TSPAN5: variants seen among roughly 807,000 people sequenced by gnomAD.
The protein encoded by TSPAN5 is tetraspanin-5.
A neutral mutation model predicts 37.1 loss-of-function variants in TSPAN5; 10 were observed. The observed-to-expected ratio is 0.27, with a 90% confidence interval of 0.17 to 0.46. TSPAN5 has a LOEUF of 0.46. Ranked by LOEUF, TSPAN5 falls within the 20% of genes least tolerant of loss-of-function variation. The pLI, the probability that TSPAN5 is intolerant of heterozygous loss-of-function variation, is 1.00. For synonymous variants in TSPAN5, 110 were observed against 118.9 expected (o/e 0.93, Z 0.48); for missense variants, 195 against 326.6 (o/e 0.60, Z 3.11).
At chr4:98,525,352 T>C (rs2110122124) in intron 1 of TSPAN5, among the ~76,000 whole-genome samples, 1 of 152,316 alleles carries the variant, frequency 6.6e-6, no homozygotes, top group South Asian at 2.1e-4. Flanking sequence ...TTTCTTTGGG[T>C]ACTCTGGTTT....
chr4:98,482,502 C>T (rs1345610942), intron 3 of TSPAN5: 1 of 186,148 alleles, frequency 5.4e-6, no homozygotes, highest in Non-Finnish European at 1.1e-5. Flanking sequence ...TAATGTACTG[C>T]CAGATGCTTG....
intron 1 of TSPAN5, among the ~76,000 whole-genome samples, chr4:98,583,825 G>A (rs1201279353): frequency 1.3e-5 from 2 of 152,230 alleles, no homozygotes; most frequent in East Asian, 1.9e-4. Flanking sequence ...AGGAGGAGAC[G>A]TGGCTCCTGC....
intron 2 of TSPAN5, among the ~76,000 whole-genome samples, chr4:98,498,549 C>T (rs1021139404): frequency 1.3e-5 from 2 of 152,126 alleles, no homozygotes; most frequent in Admixed American, 6.5e-5. Context: ...TTCTTTTGTG[C>T]GCCTCGGTGA....
intron 4 of TSPAN5, among the ~76,000 whole-genome samples, chr4:98,480,559 C>T (rs1752815113): frequency 6.6e-6 from 1 of 152,190 alleles, no homozygotes; most frequent in Admixed American, 6.5e-5. Context: ...ATTTGAAGAC[C>T]TTCCGGACCA....
At chr4:98,606,247 T>C (rs1027803273) in intron 1 of TSPAN5, among the ~76,000 whole-genome samples, 1 of 152,224 alleles carries the variant, frequency 6.6e-6, no homozygotes, top group African/African-American at 2.4e-5. Context: ...TTTGAAGCCA[T>C]CTTTGCTACA....
intron 1 of TSPAN5, among the ~76,000 whole-genome samples, chr4:98,573,514 G>A (rs933422657): frequency 2.6e-5 from 4 of 152,208 alleles, no homozygotes; most frequent in African/African-American, 9.6e-5. Flanking sequence ...AGGATTACAG[G>A]CTTGAGCCAC....
In TSPAN5 at chr4:98,627,183, G is replaced by A. The variant is rs553702415; in HGVS notation, c.81+30963C>T. ...CACATCAGCTGGCCTGTAATTAAAA[G>A]TGTCAGTGTCATGAAAGATGAAGGA... On this transcript the variant is annotated intron_variant, in intron 1 of 7. Coordinates refer to ENST00000305798, the MANE Select transcript of TSPAN5 (RefSeq NM_005723.4). Among the ~76,000 whole-genome samples the A allele has an allele frequency of 1.7e-3, 253 of 152,182 alleles. 1 individual carries two copies. In the Middle Eastern group the frequency reaches 0.034, roughly 20 times the overall value.
Position 98,633,041 on chromosome 4 carries a change from G to T in TSPAN5, c.81+25105C>A, listed in dbSNP as rs1203767748. 5.3e-5 allele frequency among the ~76,000 whole-genome samples: 8 copies of T among 152,154 alleles called. No homozygotes were observed. In the East Asian group the frequency reaches 1.5e-3, roughly 29 times the overall value. On this transcript the variant is annotated intron_variant, in intron 1 of 7. Coordinates refer to ENST00000305798, the MANE Select transcript of TSPAN5 (RefSeq NM_005723.4). Reference sequence around the variant, plus strand: ...AGCCAGGGCAGTTGGGAGGATGGAGGCTCAGACCAGGGCACTGGTTGGACT... The same window carrying T: ...AGCCAGGGCAGTTGGGAGGATGGAGTCTCAGACCAGGGCACTGGTTGGACT...
chr4:98,604,601 T>C (rs1246696369), intron 1 of TSPAN5, among the ~76,000 whole-genome samples: 1 of 152,246 alleles, frequency 6.6e-6, no homozygotes, highest in Non-Finnish European at 1.5e-5. Flanking sequence ...TTGAATACTA[T>C]ATTTAGTCTG....
At position 98,592,435 on chromosome 4, in the gene TSPAN5, T is replaced by G. The variant is rs926377167; in HGVS notation, c.81+65711A>C. On this transcript the variant is annotated intron_variant, in intron 1 of 7. Coordinates refer to ENST00000305798, the MANE Select transcript of TSPAN5 (RefSeq NM_005723.4). ...AAGGGATCTCTGTTTTTTGTTTTTT[T>G]TTTTTTTTTTTTTATTATACTCTAA... 3.3e-3 allele frequency among the ~76,000 whole-genome samples: 493 copies of G among 147,976 alleles called. 4 individuals are homozygous for G. The highest frequency in any genetic ancestry group is 8.8e-3 in the African/African-American group (344 of 39,296).
intron 1 of TSPAN5, among the ~76,000 whole-genome samples, chr4:98,592,163 T>C (rs1755649922): frequency 6.7e-6 from 1 of 150,058 alleles, no homozygotes; most frequent in Non-Finnish European, 1.5e-5. Flanking sequence ...AAATGAACCA[T>C]TACCTTTATC....
chr4:98,604,394 A>G (rs1488103227), intron 1 of TSPAN5, among the ~76,000 whole-genome samples: 1 of 152,210 alleles, frequency 6.6e-6, no homozygotes, highest in Non-Finnish European at 1.5e-5. Flanking sequence ...AACTGTTCTA[A>G]CATCTCGTCA....
chr4:98,656,241 T>C (rs942487747), intron 1 of TSPAN5, among the ~76,000 whole-genome samples: 4 of 152,198 alleles, frequency 2.6e-5, no homozygotes, highest in Non-Finnish European at 5.9e-5. Flanking sequence ...CTCCACAGAA[T>C]TACAGCAAAC....
chr4:98,553,028 A>G (rs955028710), intron 1 of TSPAN5, among the ~76,000 whole-genome samples: 3 of 152,242 alleles, frequency 2.0e-5, no homozygotes, highest in Non-Finnish European at 4.4e-5. Context: ...CCCATTTACT[A>G]TTAATTTTCT....
chr4:98,626,898 T>TG (rs1353366251), intron 1 of TSPAN5, among the ~76,000 whole-genome samples: 1 of 150,356 alleles, frequency 6.7e-6, no homozygotes, highest in Non-Finnish European at 1.5e-5. Flanking sequence ...TTTTTTTTTT[T>TG]TTTTTTTTTT....
chr4:98,534,635 T>C (rs1196099899), intron 1 of TSPAN5, among the ~76,000 whole-genome samples: 1 of 152,174 alleles, frequency 6.6e-6, no homozygotes, highest in Non-Finnish European at 1.5e-5. Flanking sequence ...CTCCAACTAT[T>C]ATTGTGTGGG....
intron 1 of TSPAN5, among the ~76,000 whole-genome samples, chr4:98,563,462 T>C (rs940510026): frequency 6.6e-6 from 1 of 152,192 alleles, no homozygotes; most frequent in Non-Finnish European, 1.5e-5. Flanking sequence ...CGCCCTGCTT[T>C]CTCATGGACA....
chr4:98,584,015 C>T (rs1472379089), intron 1 of TSPAN5, among the ~76,000 whole-genome samples: 1 of 152,202 alleles, frequency 6.6e-6, no homozygotes, highest in East Asian at 1.9e-4. Context: ...AAATAACCCC[C>T]CATTCCAAAG....
chr4:98,610,788 T>C (rs2110233979), intron 1 of TSPAN5, among the ~76,000 whole-genome samples: 1 of 152,330 alleles, frequency 6.6e-6, no homozygotes, highest in African/African-American at 2.4e-5. Flanking sequence ...ACCCTAAGGC[T>C]GTTCAGGGAG....
Sources: allele counts gnomAD v4.1 joint callset (sites outside exome capture counted in the v4.1 genomes callset), GRCh38; gene constraint gnomAD v4.1.1; transcripts MANE v1.5; gene names NCBI Gene and HGNC (gene_info 2026-07-23, HGNC 2026-07-21).